ACOD1: variants seen among roughly 807,000 people sequenced by gnomAD.
The protein encoded by ACOD1 is aconitate decarboxylase 1.
Under a neutral mutation model 14.2 loss-of-function variants are expected in ACOD1, and 14 were observed. The observed-to-expected ratio is 0.99, with a 90% CI of 0.65 to 1.54. The LOEUF (loss-of-function observed/expected upper bound fraction) is 1.54. Among genes scored for constraint, ACOD1 ranks in the 40% most tolerant of loss-of-function variants. The pLI is 0.00. For missense variants in ACOD1, 530 were observed against 586.3 expected (o/e 0.90, Z 0.99); for synonymous variants, 182 against 221.7 (o/e 0.82, Z 1.59).
In ACOD1 at chr13:76,952,586, C is replaced by A. The variant is rs1382740466; in HGVS notation, c.110C>A (p.Thr37Asn). 3.9e-6 allele frequency: 6 copies of A among 1,550,506 alleles called. No individual in the cohort carries two copies. The highest frequency in any genetic ancestry group is 5.2e-6 in the Non-Finnish European group (6 of 1,146,962). The stretch of plus-strand genomic sequence containing the variant: ...AGGAGCAAGAGGATGATTCTAGACA[C>A]TCTGGGTGCTGGGTTCCTGGGAACC... ...IQRSKRMILD[T>N]LGAGFLGTTT... The change falls in exon 2 of 5, where the codon ACT becomes AAT. Residue 37 changes from threonine to asparagine, a missense_variant. Coordinates refer to ENST00000377462, the MANE Select transcript of ACOD1 (RefSeq NM_001258406.2).
intron 2 of ACOD1, among the ~76,000 whole-genome samples, chr13:76,952,913 GTT>G (rs2033836601): frequency 6.6e-6 from 1 of 152,104 alleles, no homozygotes; most frequent in Non-Finnish European, 1.5e-5. Context: ...TGGGCAGACG[GTT>G]TGAGCCTAGG....
Position 76,955,314 on chromosome 13 carries a change from T to C in ACOD1, c.265-5T>C, listed in dbSNP as rs2033863600. 6.5e-7 allele frequency: 1 copy of C among 1,549,730 alleles called. No homozygotes were observed. On this transcript the variant is annotated splice_polypyrimidine_tract_variant and splice_region_variant and intron_variant, in intron 3 of 4. Coordinates refer to ENST00000377462, the MANE Select transcript of ACOD1 (RefSeq NM_001258406.2). The stretch of plus-strand genomic sequence containing the variant: ...TTTTGTTGCTGTTTGTGTCTGTTTA[T>C]ACAGATTCACTCCATGGATTTTGAT...
chr13:76,955,649 A>T, intron 4 of ACOD1, 125 bp downstream of exon 4: 2 of 788,790 alleles, frequency 2.5e-6, no homozygotes, highest in Admixed American at 2.5e-5. Flanking sequence ...GCACAGGTAG[A>T]TAAGTCAATA....
intron 2 of ACOD1, 104 bp from the exon 3 acceptor site, chr13:76,953,495 AG>A: frequency 1.5e-6 from 1 of 688,404 alleles, no homozygotes; most frequent in Non-Finnish European, 2.6e-6. Flanking sequence ...CAAAGGTTCA[AG>A]TAAGAACTAT....
rs973349891 is a variant in ACOD1, at chr13:76,958,238, T to C, written c.*253T>C. ...TCACAAGGGTGAAATTCAACTCACC[T>C]GTGATTTACTTATAAAATTAATCTC... On this transcript the variant is annotated 3_prime_UTR_variant, in exon 5 of 5. Coordinates refer to ENST00000377462, the MANE Select transcript of ACOD1 (RefSeq NM_001258406.2). 13 of 394,108 alleles carry C rather than the reference T, an allele frequency of 3.3e-5. No homozygotes were observed. Among genetic ancestry groups the C allele is most frequent in the Non-Finnish European group, 5.4e-5 (12 of 220,790 alleles). 24.4% of individuals were successfully genotyped at this position (394,108 alleles called of 1,614,324 possible). A position where few individuals can be genotyped will look rare whatever the true frequency, so the allele number is the denominator to read the frequency against.
In ACOD1 at chr13:76,957,902, A is replaced by T; in HGVS notation, c.1363A>T (p.Thr455Ser). The T allele has an allele frequency of 6.4e-7, 1 of 1,550,680 alleles. No homozygotes were observed. Among genetic ancestry groups the T allele is most frequent in the Non-Finnish European group, 8.7e-7 (1 of 1,146,940 alleles). ...AGACCTAGAAGACTGTTCTGTGTTA[A>T]CTACACTTCTCAAAGGACCCTCTCC... is the stretch of plus-strand genomic sequence containing the variant. ...LEDLEDCSVL[T>S]TLLKGPSPPE... is the part of the protein sequence containing the mutation. The change falls in exon 5 of 5, where the codon ACT (threonine) becomes TCT (serine). Residue 455 changes from threonine (T) to serine (S), a missense_variant. Physicochemically the swap from Thr to Ser is moderately conservative, Grantham distance 58. Transcript: ENST00000377462.
chr13:76,950,414 G>C (rs2137743863), intron 1 of ACOD1, among the ~76,000 whole-genome samples: 1 of 152,284 alleles, frequency 6.6e-6, no homozygotes, highest in African/African-American at 2.4e-5. Flanking sequence ...AAAATGTGTA[G>C]AAAACAAAAT....
chr13:76,955,311 T>C lies in ACOD1; in HGVS notation c.265-8T>C. ...GCTTTTTGTTGCTGTTTGTGTCTGT[T>C]TATACAGATTCACTCCATGGATTTT... On this transcript the variant is annotated splice_polypyrimidine_tract_variant and splice_region_variant and intron_variant, in intron 3 of 4. Coordinates refer to ENST00000377462, the MANE Select transcript of ACOD1 (RefSeq NM_001258406.2). 3 of 1,549,558 alleles carry C rather than the reference T, an allele frequency of 1.9e-6. No homozygotes were observed. The highest frequency in any genetic ancestry group is 2.6e-6 in the Non-Finnish European group (3 of 1,146,678).
At chr13:76,952,739 T>A in intron 2 of ACOD1, 89 bp downstream of exon 2, 1 of 1,017,024 alleles carries the variant, frequency 9.8e-7, no homozygotes, top group Non-Finnish European at 1.4e-6. Context: ...TAGACAGCAC[T>A]TGATGTACAT....
intron 1 of ACOD1, among the ~76,000 whole-genome samples, 185 bp downstream of exon 1, chr13:76,948,755 T>C (rs1415086038): frequency 6.6e-6 from 1 of 152,240 alleles, no homozygotes; most frequent in Non-Finnish European, 1.5e-5. Context: ...ATGAGATACA[T>C]GATTCTATTG....
intron 4 of ACOD1, 58 bp downstream of exon 4, chr13:76,955,582 T>C: frequency 7.6e-6 from 11 of 1,441,642 alleles, no homozygotes; most frequent in South Asian, 3.7e-5. Flanking sequence ...CTATCAATCA[T>C]TATCTCCGTA....
intron 3 of ACOD1, among the ~76,000 whole-genome samples, chr13:76,954,919 G>T (rs932463577): frequency 1.3e-5 from 2 of 152,008 alleles, no homozygotes; most frequent in African/African-American, 4.8e-5. Context: ...ACGAGGTCAG[G>T]AGTTTGAGAC....
intron 2 of ACOD1, 91 bp downstream of exon 2, chr13:76,952,741 G>A: frequency 2.0e-6 from 2 of 993,500 alleles, no homozygotes; most frequent in Non-Finnish European, 3.0e-6. Flanking sequence ...GACAGCACTT[G>A]ATGTACATAG....
rs2033894045 is a variant in ACOD1 at position 76,957,695 on chromosome 13, T to G, written c.1156T>G (p.Cys386Gly). Residue 386 changes from cysteine (C) to glycine (G), a missense_variant, in exon 5 of 5, where the codon TGT (cysteine) becomes GGT (glycine). Cys to Gly is a radical substitution (Grantham distance 159, BLOSUM62 -3). Coordinates refer to ENST00000377462, the MANE Select transcript of ACOD1 (RefSeq NM_001258406.2). ...DNLPSFNILY[C>G]EISVTLKDGA... ...CTTGCCAAGCTTCAACATACTGTAC[T>G]GTGAAATAAGTGTCACCCTCAAGGA... 6.4e-7 allele frequency: 1 copy of G among 1,550,656 alleles called. No individual in the cohort carries two copies. The highest frequency in any genetic ancestry group is 1.4e-5 in the African/African-American group (1 of 73,176).
At position 76,958,412 on chromosome 13, in the gene ACOD1, A is replaced by G. The variant is rs1338666035; in HGVS notation, c.*427A>G. 1.2e-5 allele frequency: 2 copies of G among 162,634 alleles called. No individual in the cohort carries two copies. The highest frequency in any genetic ancestry group is 5.9e-5 in the Admixed American group (1 of 16,926). 10.1% of individuals were successfully genotyped at this position (162,634 alleles called of 1,614,324 possible). A position where few individuals can be genotyped will look rare whatever the true frequency, so the allele number is the denominator to read the frequency against. ...CATGGCTTATTACCAAGCCCTCCAC[A>G]GTGCAAGGGGTGCTACTGGGGAATG... On this transcript the variant is annotated 3_prime_UTR_variant, in exon 5 of 5. Coordinates refer to ENST00000377462, the MANE Select transcript of ACOD1 (RefSeq NM_001258406.2).
Position 76,958,076 on chromosome 13 carries a change from A to C in ACOD1, c.*91A>C. ...GTCTGCTGCTTGGTTTTCCCAGGAA[A>C]AATGAACAAAGATGGAGAGAGTCCA... On this transcript the variant is annotated 3_prime_UTR_variant, in exon 5 of 5. Coordinates refer to ENST00000377462, the MANE Select transcript of ACOD1 (RefSeq NM_001258406.2). 4 of 1,256,918 alleles carry C rather than the reference A, an allele frequency of 3.2e-6. No homozygotes were observed. The highest frequency in any genetic ancestry group is 4.3e-6 in the Non-Finnish European group (4 of 938,746). 77.9% of individuals were successfully genotyped at this position (1,256,918 alleles called of 1,614,324 possible).
chr13:76,957,256 G>A lies in ACOD1; in HGVS notation c.717G>A (p.Glu239=), dbSNP rs748085419. The change falls in exon 5 of 5, where the codon GAG becomes GAA. Residue 239 remains glutamate, a synonymous_variant. Coordinates refer to ENST00000377462, the MANE Select transcript of ACOD1 (RefSeq NM_001258406.2). Reference sequence around the variant, plus strand: ...GAAACAAGCAGGTCTTGGACTTGGAGGCAGGATTTGGGGCCTTTTATGCCA... The same window carrying A: ...GAAACAAGCAGGTCTTGGACTTGGAAGCAGGATTTGGGGCCTTTTATGCCA... ...LQGNKQVLDL[E]AGFGAFYANY... The A allele has an allele frequency of 2.6e-6, 4 of 1,550,652 alleles. No homozygotes were observed. The highest frequency in any genetic ancestry group is 2.4e-5 in the South Asian group (2 of 84,066).
intron 2 of ACOD1, among the ~76,000 whole-genome samples, 181 bp downstream of exon 2, chr13:76,952,831 A>T (rs1397632232): frequency 6.6e-6 from 1 of 152,204 alleles, no homozygotes; most frequent in Non-Finnish European, 1.5e-5. Flanking sequence ...TTACTAAGTC[A>T]CTGTCTTAAA....
rs576440719 is a variant in ACOD1, at chr13:76,957,223, T to C, written c.684T>C (p.Gly228=). ...AAGCTGCATTTTTGGCAATGTTGGG[T>C]CTCCAAGGAAACAAGCAGGTCTTGG... The part of the protein sequence containing the change: ...GIEAAFLAML[G]LQGNKQVLDL... The change falls in exon 5 of 5, where the codon GGT becomes GGC. Residue 228 remains glycine (G), a synonymous_variant. Coordinates refer to ENST00000377462, the MANE Select transcript of ACOD1 (RefSeq NM_001258406.2). 4.1e-5 allele frequency: 64 copies of C among 1,550,608 alleles called. No individual in the cohort carries two copies. In the African/African-American group the frequency reaches 7.8e-4, roughly 19 times the overall value.
Sources: gnomAD v4.1 joint callset for allele counts (sites outside exome capture counted in the v4.1 genomes callset) on GRCh38, gnomAD v4.1.1 for gene constraint, MANE v1.5 for transcripts, NCBI Gene and HGNC (gene_info 2026-07-23, HGNC 2026-07-21) for gene names.